The following HIBADH variants were observed in gnomAD, a reference collection of about 807,000 sequenced individuals.
HIBADH encodes the protein 3-hydroxyisobutyrate dehydrogenase.
A neutral mutation model predicts 36.1 loss-of-function variants in HIBADH; 25 were observed. That is an observed-to-expected ratio of 0.69 (90% confidence interval 0.50 to 0.97). The LOEUF is 0.97. Ranked by LOEUF, HIBADH falls within the 50% of genes least tolerant of loss-of-function variation. The pLI, the probability that HIBADH is intolerant of heterozygous loss-of-function variation, is 0.00. For synonymous variants in HIBADH, 160 were observed against 149.5 expected, an observed-to-expected ratio of 1.07 and a Z score of -0.51; for missense variants, 421 against 418.0, an observed-to-expected ratio of 1.01 and a Z score of -0.06.
chr7:27,573,625 G>A (rs1363071077), intron 4 of HIBADH, among the ~76,000 whole-genome samples: 1 of 152,166 alleles, frequency 6.6e-6, no homozygotes, highest in African/African-American at 2.4e-5. Context: ...AACTTTGACA[G>A]GTAGTGCAGA....
chr7:27,584,959 A>C (rs1419812523), intron 4 of HIBADH, among the ~76,000 whole-genome samples: 1 of 151,996 alleles, frequency 6.6e-6, no homozygotes, highest in Admixed American at 6.6e-5. Context: ...ACTGAGAACC[A>C]ATGTTCTTAA....
intron 4 of HIBADH, among the ~76,000 whole-genome samples, chr7:27,550,638 G>A (rs1784304941): frequency 1.3e-5 from 2 of 152,134 alleles, no homozygotes; most frequent in Admixed American, 1.3e-4. Context: ...CAACTCAGAA[G>A]TATTTCATGA....
intron 4 of HIBADH, among the ~76,000 whole-genome samples, chr7:27,567,067 CTTTTA>C (rs1784557225): frequency 6.6e-6 from 1 of 152,068 alleles, no homozygotes; most frequent in South Asian, 2.1e-4. Context: ...TTGCTCAATT[CTTTTA>C]TATTGTTGTT....
chr7:27,649,367 G>C, intron 2 of HIBADH, 106 bp downstream of exon 2: 1 of 791,166 alleles, frequency 1.3e-6, no homozygotes, highest in Non-Finnish European at 1.9e-6. Flanking sequence ...CACTGAATTA[G>C]GTTTACAACT....
rs1198676396 is a variant in HIBADH, at chr7:27,649,534, G to T, written c.191C>A (p.Pro64Gln). The T allele has an allele frequency of 6.2e-7, 1 of 1,613,624 alleles. No homozygotes were observed. Among genetic ancestry groups the T allele is most frequent in the Non-Finnish European group, 8.5e-7 (1 of 1,179,770 alleles). The change falls in exon 2 of 8, where the codon CCA becomes CAA. Residue 64 changes from proline to glutamine, a missense_variant. By Grantham distance (76) the Pro-to-Gln change is moderately conservative (BLOSUM62 -1). Transcript: ENST00000265395. ...AGGGAACACATCATAAATAATAAGT[G>T]GATAGCCATGTTTCATGAGATTTTT... ...MAKNLMKHGY[P>Q]LIIYDVFPDA...
At chr7:27,636,156 G>A (rs1785837600) in intron 2 of HIBADH, among the ~76,000 whole-genome samples, 1 of 152,220 alleles carries the variant, frequency 6.6e-6, no homozygotes, top group Non-Finnish European at 1.5e-5. Flanking sequence ...TCCATTGGAA[G>A]AAGACAAATG....
intron 6 of HIBADH, 87 bp from the exon 7 acceptor site, chr7:27,531,435 C>A: frequency 8.5e-7 from 1 of 1,171,780 alleles, no homozygotes; most frequent in South Asian, 1.8e-5. Context: ...GCTCCATCTT[C>A]TCTCTCCATT....
chr7:27,565,162 C>A (rs567547766), intron 4 of HIBADH, among the ~76,000 whole-genome samples: 2 of 152,176 alleles, frequency 1.3e-5, no homozygotes, highest in East Asian at 3.9e-4. Context: ...GTACCAGACA[C>A]TTAGAGATAG....
intron 1 of HIBADH, among the ~76,000 whole-genome samples, chr7:27,658,491 C>T (rs1395894048): frequency 6.6e-6 from 1 of 152,070 alleles, no homozygotes; most frequent in Non-Finnish European, 1.5e-5. Context: ...GGGAGTTATC[C>T]GTATCTTGAT....
chr7:27,642,259 G>C (rs1217691717), intron 2 of HIBADH, among the ~76,000 whole-genome samples: 1 of 152,104 alleles, frequency 6.6e-6, no homozygotes. Context: ...TGTTGGGTGA[G>C]TAAAGATTAC....
At chr7:27,538,116 T>C (rs1051212107) in intron 6 of HIBADH, among the ~76,000 whole-genome samples, 2 of 152,206 alleles carry the variant, frequency 1.3e-5, no homozygotes, top group Non-Finnish European at 2.9e-5. Flanking sequence ...CAACTTCAAA[T>C]GCACAGGCAA....
At chr7:27,589,525 C>T (rs906456820) in intron 4 of HIBADH, among the ~76,000 whole-genome samples, 1 of 152,032 alleles carries the variant, frequency 6.6e-6, no homozygotes, top group Non-Finnish European at 1.5e-5. Flanking sequence ...GAAATCAACC[C>T]TTGAGGTATG....
At chr7:27,583,918 C>G (rs929518692) in intron 4 of HIBADH, among the ~76,000 whole-genome samples, 3 of 151,870 alleles carry the variant, frequency 2.0e-5, no homozygotes, top group African/African-American at 7.2e-5. Context: ...TAACAAGCAA[C>G]AAAATTTAGT....
At chr7:27,592,143 C>T (rs1311853877) in intron 4 of HIBADH, among the ~76,000 whole-genome samples, 1 of 152,210 alleles carries the variant, frequency 6.6e-6, no homozygotes, top group Admixed American at 6.5e-5. Flanking sequence ...TTGAACCTCA[C>T]CTATTCCAGA....
intron 4 of HIBADH, among the ~76,000 whole-genome samples, chr7:27,610,532 T>C (rs1785304829): frequency 6.6e-6 from 1 of 152,238 alleles, no homozygotes; most frequent in Non-Finnish European, 1.5e-5. Context: ...CAAAAATAAA[T>C]TCTTACTGAG....
chr7:27,526,235 T>A lies in HIBADH; in HGVS notation c.990A>T (p.Leu330=), dbSNP rs1163516505. 6.2e-7 allele frequency: 1 copy of A among 1,611,330 alleles called. No homozygotes were observed. Among genetic ancestry groups the A allele is most frequent in the Non-Finnish European group, 8.5e-7 (1 of 1,178,996 alleles). Residue 330 remains leucine, a synonymous_variant, in exon 8 of 8, where the codon CTA becomes CTT. Transcript: ENST00000265395. ...KKDFSSVFQF[L]REEETF is the part of the protein sequence containing the mutation. ...ACACTCAGAAGGTCTCCTCCTCTCG[T>A]AGGAACTGGAACACGGATGAGAAGT...
intron 1 of HIBADH, among the ~76,000 whole-genome samples, chr7:27,661,276 G>T (rs1317036488): frequency 6.6e-6 from 1 of 152,102 alleles, no homozygotes; most frequent in East Asian, 1.9e-4. Flanking sequence ...GGGGGAGAAT[G>T]GGAAGCTGTT....
chr7:27,537,594 T>C (rs1173156046), intron 6 of HIBADH, among the ~76,000 whole-genome samples: 1 of 152,134 alleles, frequency 6.6e-6, no homozygotes, highest in Non-Finnish European at 1.5e-5. Context: ...TCATGAAATA[T>C]AAAACATTCA....
At chr7:27,586,430 T>C (rs1165588232) in intron 4 of HIBADH, among the ~76,000 whole-genome samples, 1 of 151,918 alleles carries the variant, frequency 6.6e-6, no homozygotes, top group Admixed American at 6.6e-5. Context: ...TGATTAAAGA[T>C]GGTTTCATGA....
Sources: gnomAD v4.1 joint callset for allele counts (sites outside exome capture counted in the v4.1 genomes callset) on GRCh38, gnomAD v4.1.1 for gene constraint, MANE v1.5 for transcripts, NCBI Gene and HGNC (gene_info 2026-07-23, HGNC 2026-07-21) for gene names.